Variants in GABBR2 observed in about 807,000 individuals in gnomAD.
The protein encoded by GABBR2 is G-protein coupled receptor 51.
GABBR2 carries 23 observed loss-of-function variants against 105.6 expected under a neutral mutation model. The ratio of observed to expected loss-of-function variants is 0.22; its 90% CI spans 0.16 to 0.31. GABBR2 has a LOEUF of 0.31. Among genes scored for constraint, GABBR2 ranks in the 10% least tolerant of loss-of-function variants. The probability of loss-of-function intolerance (pLI) is 1.00; values close to 1 mark genes in which losing one functional copy is unlikely to be tolerated. For missense variants in GABBR2, 734 were observed against 1,245.5 expected (o/e 0.59, Z 6.18); for synonymous variants, 478 against 499.7 (o/e 0.96, Z 0.58).
chr9:98,605,447 T>G (rs1829401997), intron 1 of GABBR2, among the ~76,000 whole-genome samples: 1 of 152,236 alleles, frequency 6.6e-6, no homozygotes, highest in Admixed American at 6.5e-5. Flanking sequence ...GACTCTCACC[T>G]GCCTTACAGA....
chr9:98,663,358 ACT>A (rs1486063328), intron 1 of GABBR2, among the ~76,000 whole-genome samples: 1 of 151,634 alleles, frequency 6.6e-6, no homozygotes, highest in East Asian at 1.9e-4. Flanking sequence ...ATGGCAGAAA[ACT>A]CTGTTACAGA....
At chr9:98,303,457 G>C in intron 15 of GABBR2, 34 bp from the exon 16 acceptor site, 2 of 1,581,364 alleles carry the variant, frequency 1.3e-6, no homozygotes, top group African/African-American at 1.3e-5. Flanking sequence ...GGGTTGAAGA[G>C]AGAGCCTTGA....
At chr9:98,669,610 C>A (rs1447375088) in intron 1 of GABBR2, among the ~76,000 whole-genome samples, 1 of 152,114 alleles carries the variant, frequency 6.6e-6, no homozygotes, top group African/African-American at 2.4e-5. Context: ...ATTAACATAG[C>A]TTTATAAGTC....
intron 6 of GABBR2, among the ~76,000 whole-genome samples, chr9:98,458,041 G>A (rs1253139547): frequency 6.6e-6 from 1 of 152,156 alleles, no homozygotes; most frequent in Non-Finnish European, 1.5e-5. Flanking sequence ...GGCATTTGTT[G>A]GAACTTGGAA....
intron 1 of GABBR2, among the ~76,000 whole-genome samples, chr9:98,673,323 G>A (rs1040181875): frequency 2.0e-5 from 3 of 152,146 alleles, no homozygotes; most frequent in East Asian, 1.9e-4. Context: ...TAATCGCCTC[G>A]TGCAGCACTT....
intron 11 of GABBR2, among the ~76,000 whole-genome samples, chr9:98,378,327 C>T (rs570383581): frequency 8.5e-5 from 13 of 152,222 alleles, no homozygotes; most frequent in South Asian, 4.2e-4. Flanking sequence ...GTGAAGAGGC[C>T]GAAGGGGTGC....
At chr9:98,526,851 C>T (rs1418819438) in intron 3 of GABBR2, among the ~76,000 whole-genome samples, 1 of 152,040 alleles carries the variant, frequency 6.6e-6, no homozygotes, top group Non-Finnish European at 1.5e-5. Context: ...GACATTTTAG[C>T]ATGCATAGCT....
At chr9:98,684,924 G>A (rs1314595447) in intron 1 of GABBR2, among the ~76,000 whole-genome samples, 1 of 152,188 alleles carries the variant, frequency 6.6e-6, no homozygotes, top group Admixed American at 6.5e-5. Context: ...GGTAGAATGA[G>A]GCATTGATGT....
Position 98,344,578 on chromosome 9 carries a change from C to T in GABBR2, c.1893+18137G>A, listed in dbSNP as rs1831272623. ...CTCACTCTCCCTTTTCAAATTCTTC[C>T]ATTTGTGAATGGCTCTCTCTTGACC... On this transcript the variant is annotated intron_variant, in intron 13 of 18. Coordinates refer to ENST00000259455, the MANE Select transcript of GABBR2 (RefSeq NM_005458.8). Among the ~76,000 whole-genome samples the T allele has an allele frequency of 2.0e-5, 3 of 152,122 alleles. No individual in the cohort carries two copies. In the South Asian group the frequency reaches 6.2e-4, roughly 32 times the overall value.
At chr9:98,296,122 C>A (rs557059420) in intron 17 of GABBR2, among the ~76,000 whole-genome samples, 118 of 152,234 alleles carry the variant, frequency 7.8e-4, no homozygotes, top group African/African-American at 2.7e-3. Context: ...AGAGGTGGGG[C>A]CTTTAGGAGG....
chr9:98,505,055 A>G (rs11789572), intron 3 of GABBR2, among the ~76,000 whole-genome samples: 18,299 of 152,292 alleles, frequency 0.12, 1,795 homozygotes, highest in East Asian at 0.51. Flanking sequence ...AAGATGGTTC[A>G]GGAAATTAGA....
chr9:98,301,465 T>C (rs893646651), intron 16 of GABBR2, among the ~76,000 whole-genome samples: 12 of 152,160 alleles, frequency 7.9e-5, no homozygotes, highest in African/African-American at 2.7e-4. Context: ...CATCCTGCTG[T>C]AGTATAAGGG....
chr9:98,637,580 A>C (rs1829897705), intron 1 of GABBR2, among the ~76,000 whole-genome samples: 1 of 152,180 alleles, frequency 6.6e-6, no homozygotes, highest in Non-Finnish European at 1.5e-5. Context: ...AAGCATCCTT[A>C]AAAGTGGAAC....
intron 1 of GABBR2, among the ~76,000 whole-genome samples, chr9:98,643,967 C>T (rs556407910): frequency 1.3e-5 from 2 of 152,324 alleles, no homozygotes; most frequent in Admixed American, 6.5e-5. Context: ...CCCAAAGTTT[C>T]TGAATGATTC....
intron 7 of GABBR2, among the ~76,000 whole-genome samples, chr9:98,413,472 C>T (rs1832626275): frequency 6.6e-6 from 1 of 152,044 alleles, no homozygotes; most frequent in African/African-American, 2.4e-5. Context: ...CTTTATGTCC[C>T]CTTGAGCTAT....
chr9:98,565,485 T>G (rs969467728), intron 2 of GABBR2, among the ~76,000 whole-genome samples: 2 of 152,098 alleles, frequency 1.3e-5, no homozygotes, highest in African/African-American at 4.8e-5. Context: ...TCAAGGCCCA[T>G]CAACTGGCCC....
chr9:98,570,763 G>A (rs566957699), intron 2 of GABBR2, among the ~76,000 whole-genome samples: 5 of 152,346 alleles, frequency 3.3e-5, no homozygotes, highest in South Asian at 4.1e-4. Context: ...ACCAGGGGGC[G>A]GGGGTTCCTG....
chr9:98,642,272 A>G (rs1829974706), intron 1 of GABBR2, among the ~76,000 whole-genome samples: 1 of 152,020 alleles, frequency 6.6e-6, no homozygotes. Flanking sequence ...TCCTCGTCCA[A>G]TTAGCCACTG....
rs894434156 is a variant in GABBR2, at chr9:98,668,041, C to A, written c.321+40376G>T. Among the ~76,000 whole-genome samples the A allele has an allele frequency of 5.0e-4, 76 of 152,344 alleles. 1 individual carries two copies. The highest frequency in any genetic ancestry group is 1.7e-3 in the African/African-American group (69 of 41,584). On this transcript the variant is annotated intron_variant, in intron 1 of 18. Transcript: ENST00000259455. The stretch of plus-strand genomic sequence containing the variant: ...GTCCCACTGCCTCAATTTGGGACCG[C>A]CCTGAAGGGCCATTACAGCTCCAGG...
Sources: allele counts gnomAD v4.1 joint callset (sites outside exome capture counted in the v4.1 genomes callset), GRCh38; gene constraint gnomAD v4.1.1; transcripts MANE v1.5; gene names NCBI Gene and HGNC (gene_info 2026-07-23, HGNC 2026-07-21).